SPECC1L: variants seen among roughly 807,000 people sequenced by gnomAD.
SPECC1L encodes sperm antigen with calponin homology and coiled-coil domains 1 like.
In SPECC1L, 40 loss-of-function variants were observed where a neutral mutation model predicts 116.8. The observed-to-expected ratio is 0.34, with a 90% CI of 0.27 to 0.45. The LOEUF is 0.45. Among genes scored for constraint, SPECC1L ranks in the 20% least tolerant of loss-of-function variants. The probability of loss-of-function intolerance (pLI) is 1.00; values close to 1 mark genes in which losing one functional copy is unlikely to be tolerated. For missense variants in SPECC1L, 1,110 were observed against 1,373.6 expected (o/e 0.81, Z 3.03); for synonymous variants, 504 against 500.6 (o/e 1.01, Z -0.09).
intron 14 of SPECC1L, among the ~76,000 whole-genome samples, chr22:24,389,254 T>C (rs915419419): frequency 2.0e-5 from 3 of 151,914 alleles, no homozygotes; most frequent in African/African-American, 7.3e-5. Context: ...GTAGCTGGGA[T>C]TACAGGTGCA....
At chr22:24,386,470 T>C (rs2146714484) in intron 14 of SPECC1L, among the ~76,000 whole-genome samples, 1 of 152,018 alleles carries the variant, frequency 6.6e-6, no homozygotes, top group African/African-American at 2.4e-5. Flanking sequence ...AGGTATAAAA[T>C]TGGAAAGAAA....
At chr22:24,397,425 A>G (rs753862705) in intron 14 of SPECC1L, among the ~76,000 whole-genome samples, 27 of 152,142 alleles carry the variant, frequency 1.8e-4, no homozygotes, top group Non-Finnish European at 4.4e-5. Flanking sequence ...CTGTGATTTC[A>G]GAAATAGGAA....
chr22:24,285,511 G>C (rs1018414391), intron 2 of SPECC1L, among the ~76,000 whole-genome samples: 2 of 152,106 alleles, frequency 1.3e-5, no homozygotes, highest in Non-Finnish European at 2.9e-5. Context: ...CTTTCCACTT[G>C]GTATGTAAAT....
At chr22:24,375,636 T>G (rs979424443) in intron 14 of SPECC1L, among the ~76,000 whole-genome samples, 14 of 152,210 alleles carry the variant, frequency 9.2e-5, no homozygotes, top group Admixed American at 6.5e-4. Flanking sequence ...GGTAATTTTC[T>G]CAATCTAATA....
intron 3 of SPECC1L, among the ~76,000 whole-genome samples, chr22:24,307,185 A>G (rs1190005594): frequency 6.6e-6 from 1 of 152,198 alleles, no homozygotes. Flanking sequence ...TGGAATTGCT[A>G]CATCATATGG....
chr22:24,364,648 T>A, intron 12 of SPECC1L, among the ~76,000 whole-genome samples: 1 of 126,328 alleles, frequency 7.9e-6, no homozygotes, highest in African/African-American at 3.0e-5. Context: ...GGTGACAGAA[T>A]GAGACTCCCT....
In SPECC1L at chr22:24,416,866, G is replaced by A. The variant is rs1324567408; in HGVS notation, c.*2243G>A. On this transcript the variant is annotated 3_prime_UTR_variant, in exon 17 of 17. Transcript: ENST00000314328. ...GCAACAGGGAAAGAGGGTGGGCACG[G>A]GGAGGGCTTGGCCCCGCCTATCTAG... 6.6e-6 allele frequency: 1 copy of A among 152,388 alleles called. No individual in the cohort carries two copies. The highest frequency in any genetic ancestry group is 1.9e-4 in the East Asian group (1 of 5,200). 9.4% of individuals were successfully genotyped at this position (152,388 alleles called of 1,614,324 possible). A position where few individuals can be genotyped will look rare whatever the true frequency, so the allele number is the denominator to read the frequency against.
At chr22:24,334,900 TC>T (rs1186434069) in intron 9 of SPECC1L, among the ~76,000 whole-genome samples, 1 of 152,172 alleles carries the variant, frequency 6.6e-6, no homozygotes, top group Non-Finnish European at 1.5e-5. Flanking sequence ...GCTCTTCCCT[TC>T]CTCTGAACAC....
At chr22:24,293,609 A>G (rs1411531554) in intron 2 of SPECC1L, among the ~76,000 whole-genome samples, 2 of 152,028 alleles carry the variant, frequency 1.3e-5, no homozygotes, top group Non-Finnish European at 2.9e-5. Context: ...AGGTAGGAGC[A>G]GCTCAGTTTC....
chr22:24,295,374 G>T (rs2049239548), intron 2 of SPECC1L, among the ~76,000 whole-genome samples: 1 of 148,780 alleles, frequency 6.7e-6, no homozygotes. Flanking sequence ...ATTTATTTTA[G>T]ACTCAAGGGG....
At chr22:24,271,441 G>A (rs1035953533) in intron 1 of SPECC1L, among the ~76,000 whole-genome samples, 3 of 152,262 alleles carry the variant, frequency 2.0e-5, no homozygotes, top group Non-Finnish European at 4.4e-5. Flanking sequence ...GGGGCCACAG[G>A]CGGCGGACCC....
chr22:24,294,727 A>G (rs2049225561), intron 2 of SPECC1L, among the ~76,000 whole-genome samples: 1 of 152,052 alleles, frequency 6.6e-6, no homozygotes, highest in Non-Finnish European at 1.5e-5. Context: ...CTCCTTGACT[A>G]GGTTCCCAGA....
At chr22:24,272,557 C>T (rs182598164) in intron 1 of SPECC1L, among the ~76,000 whole-genome samples, 137 of 151,956 alleles carry the variant, frequency 9.0e-4, no homozygotes, top group African/African-American at 3.2e-3. Context: ...CTTGTGATCC[C>T]AGCGGCTCGG....
At chr22:24,411,497 T>C (rs1485339812) in intron 14 of SPECC1L, 91 bp from the exon 15 acceptor site, 1 of 1,163,910 alleles carries the variant, frequency 8.6e-7, no homozygotes, top group East Asian at 2.3e-5. Flanking sequence ...TTGGAGGCCA[T>C]GCAGCATCTG....
At chr22:24,272,326 C>T (rs549514895) in intron 1 of SPECC1L, among the ~76,000 whole-genome samples, 1 of 152,188 alleles carries the variant, frequency 6.6e-6, no homozygotes, top group African/African-American at 2.4e-5. Context: ...GTTCGCGCCA[C>T]TGTACCCCAG....
intron 1 of SPECC1L, among the ~76,000 whole-genome samples, chr22:24,274,287 A>G (rs1179409116): frequency 1.3e-5 from 2 of 152,194 alleles, no homozygotes; most frequent in Non-Finnish European, 2.9e-5. Context: ...GGGAGGGACA[A>G]TTATGATCTG....
At chr22:24,342,863 C>T (rs1022284828) in intron 10 of SPECC1L, among the ~76,000 whole-genome samples, 2 of 151,676 alleles carry the variant, frequency 1.3e-5, no homozygotes, top group South Asian at 2.1e-4. Context: ...AAAGGCGGGT[C>T]GGGGGGCAGA....
Position 24,385,072 on chromosome 22 carries a change from A to G in SPECC1L, c.3087+15752A>G, listed in dbSNP as rs541846734. Among the ~76,000 whole-genome samples the G allele has an allele frequency of 5.9e-5, 9 of 151,980 alleles. No individual in the cohort carries two copies. In the East Asian group the frequency reaches 1.3e-3, roughly 23 times the overall value. On this transcript the variant is annotated intron_variant, in intron 14 of 16. Transcript: ENST00000314328. Reference sequence around the variant, plus strand: ...AGCGAAACTCCGTCTCAAAAAAAAAAAAAAGAAAAAAGAATGTAAACTACC... The same window carrying G: ...AGCGAAACTCCGTCTCAAAAAAAAAGAAAAGAAAAAAGAATGTAAACTACC...
At chr22:24,381,007 T>G (rs942461093) in intron 14 of SPECC1L, among the ~76,000 whole-genome samples, 2 of 152,256 alleles carry the variant, frequency 1.3e-5, no homozygotes, top group Non-Finnish European at 2.9e-5. Context: ...CTAAAATTTC[T>G]GCTGTCCAGA....
Sources: allele counts gnomAD v4.1 joint callset (sites outside exome capture counted in the v4.1 genomes callset), GRCh38; gene constraint gnomAD v4.1.1; transcripts MANE v1.5; gene names NCBI Gene and HGNC (gene_info 2026-07-23, HGNC 2026-07-21).